CRYGD: variants seen among roughly 807,000 people sequenced by gnomAD.
CRYGD encodes the protein crystallin gamma D, also known as gamma-crystallin D.
CRYGD carries 13 observed loss-of-function variants against 11.3 expected under a neutral mutation model. The ratio of observed to expected loss-of-function variants is 1.15; its 90% CI spans 0.75 to 1.83. The LOEUF is 1.83. Ranked by LOEUF, CRYGD falls within the 40% of genes most tolerant of loss-of-function variation. The pLI is 0.00. For synonymous variants in CRYGD, 77 were observed against 89.5 expected (o/e 0.86, Z 0.79); for missense variants, 231 against 229.9 (o/e 1.00, Z -0.03).
Position 208,124,276 on chromosome 2 carries a change from A to G in CRYGD, c.88T>C (p.Leu30=). Residue 30 remains leucine (L), a synonymous_variant, in exon 2 of 3, where the codon TTG becomes CTG. Transcript: ENST00000264376. ...ACGCGCGCCGAGTTGCAGCGGCTCAAGTAGGGCTGCAGGTTGGGGTGGTCG... is the reference window on the plus strand; with the variant it reads ...ACGCGCGCCGAGTTGCAGCGGCTCAGGTAGGGCTGCAGGTTGGGGTGGTCG... ...SSDHPNLQPY[L]SRCNSARVDS... is the part of the protein sequence containing the mutation. 2 of 1,611,860 alleles carry G rather than the reference A, an allele frequency of 1.2e-6. No individual in the cohort carries two copies. The highest frequency in any genetic ancestry group is 2.2e-5 in the East Asian group (1 of 44,832).
At chr2:208,124,011 C>CA (rs947229524) in intron 2 of CRYGD, 101 bp downstream of exon 2, 55 of 1,546,882 alleles carry the variant, frequency 3.6e-5, no homozygotes, top group Non-Finnish European at 4.8e-5. Context: ...TGTCCACTCT[C>CA]AGTTATTGTG....
intron 2 of CRYGD, 78 bp from the exon 3 acceptor site, chr2:208,122,023 G>C (rs1318926819): frequency 6.2e-7 from 1 of 1,603,340 alleles, no homozygotes; most frequent in Non-Finnish European, 8.5e-7. Context: ...GTCCAGCTTG[G>C]TGAGGACCCG....
chr2:208,122,099 C>G (rs537121827), intron 2 of CRYGD, among the ~76,000 whole-genome samples, 154 bp from the exon 3 acceptor site: 1 of 152,244 alleles, frequency 6.6e-6, no homozygotes, highest in East Asian at 1.9e-4. Flanking sequence ...CTCCTCATTA[C>G]CGAGCACAGA....
At chr2:208,122,610 C>G (rs1039912273) in intron 2 of CRYGD, among the ~76,000 whole-genome samples, 1 of 150,186 alleles carries the variant, frequency 6.7e-6, no homozygotes, top group African/African-American at 2.4e-5. Context: ...TGCCTGTAGT[C>G]CCAGCACCCT....
intron 2 of CRYGD, among the ~76,000 whole-genome samples, chr2:208,123,366 C>T (rs982238654): frequency 1.4e-5 from 2 of 145,706 alleles, no homozygotes; most frequent in Admixed American, 6.9e-5. Context: ...AATGATAATG[C>T]ATCATTTAAA....
intron 2 of CRYGD, among the ~76,000 whole-genome samples, chr2:208,122,953 GGA>G (rs1316732967): frequency 8.7e-5 from 13 of 150,288 alleles, no homozygotes; most frequent in Non-Finnish European, 1.6e-4. Context: ...CAGCTACTCA[GGA>G]GACTGAGAGA....
At position 208,124,326 on chromosome 2, in the gene CRYGD, T is replaced by A. The variant is rs1559318598; in HGVS notation, c.38A>T (p.Gln13Leu). The change falls in exon 2 of 3, where the codon CAG becomes CTG. Residue 13 changes from glutamine (Q) to leucine (L), a missense_variant. Coordinates refer to ENST00000264376, the MANE Select transcript of CRYGD (RefSeq NM_006891.4). The stretch of plus-strand genomic sequence containing the variant: ...GCTGCTGCATTCATAGTGGCGGCCC[T>A]GGAAGCCCCGGTCCTCGTAGAGGGT... ...KITLYEDRGF[Q>L]GRHYECSSDH... The A allele has an allele frequency of 1.2e-6, 2 of 1,610,246 alleles. No homozygotes were observed. Among genetic ancestry groups the A allele is most frequent in the Admixed American group, 3.4e-5 (2 of 59,508 alleles).
At chr2:208,122,020 T>C in intron 2 of CRYGD, 75 bp from the exon 3 acceptor site, 3 of 1,606,758 alleles carry the variant, frequency 1.9e-6, no homozygotes, top group Non-Finnish European at 2.5e-6. Context: ...GCAGTCCAGC[T>C]TGGTGAGGAC....
intron 2 of CRYGD, among the ~76,000 whole-genome samples, chr2:208,123,426 T>C (rs1341351622): frequency 6.8e-6 from 1 of 146,308 alleles, no homozygotes; most frequent in Non-Finnish European, 1.5e-5. Flanking sequence ...CTATTCAAAA[T>C]ATAAGTGTTT....
chr2:208,123,312 A>G (rs1359842349), intron 2 of CRYGD, among the ~76,000 whole-genome samples: 2 of 146,918 alleles, frequency 1.4e-5, no homozygotes, highest in Non-Finnish European at 3.0e-5. Flanking sequence ...TTTAAATATA[A>G]GTATTTAAAA....
At chr2:208,123,650 T>C (rs1694916852) in intron 2 of CRYGD, among the ~76,000 whole-genome samples, 1 of 152,170 alleles carries the variant, frequency 6.6e-6, no homozygotes. Flanking sequence ...GTGTAAAATA[T>C]GTGTGTTGCT....
chr2:208,122,930 G>A (rs1382720472), intron 2 of CRYGD, among the ~76,000 whole-genome samples: 1 of 150,056 alleles, frequency 6.7e-6, no homozygotes, highest in Non-Finnish European at 1.5e-5. Context: ...GTGGTGGCGT[G>A]CTCCTGTAAC....
chr2:208,123,714 A>G (rs1694917867), intron 2 of CRYGD, among the ~76,000 whole-genome samples: 1 of 152,236 alleles, frequency 6.6e-6, no homozygotes, highest in South Asian at 2.1e-4. Flanking sequence ...AAAATATGCA[A>G]GAGAGGAGCA....
rs1202747594 is a variant in CRYGD, at chr2:208,124,487, C to T, written c.-14G>A. 1 of 1,566,342 alleles carries T rather than the reference C, an allele frequency of 6.4e-7. No homozygotes were observed. Among genetic ancestry groups the T allele is most frequent in the Non-Finnish European group, 8.6e-7 (1 of 1,156,988 alleles). ...CACCTTCCCCATGGCTGGCTGGGCG[C>T]ACGGCGGTGCTGAGCTGGTGGGGCG... On this transcript the variant is annotated 5_prime_UTR_variant, in exon 1 of 3. Transcript: ENST00000264376.
rs1453097708 is a variant in CRYGD at position 208,124,173 on chromosome 2, G to A, written c.191C>T (p.Ala64Val). 1.6e-5 allele frequency: 25 copies of A among 1,611,502 alleles called. No homozygotes were observed. The highest frequency in any genetic ancestry group is 1.9e-5 in the Non-Finnish European group (23 of 1,179,868). The change falls in exon 2 of 3, where the codon GCC (alanine) becomes GTC (valine). Residue 64 changes from alanine to valine, a missense_variant. Ala to Val is a moderately conservative substitution (Grantham distance 64). Transcript: ENST00000264376. Reference protein sequence around the residue: ...LQYFLRRGDYADHQQWMGLSD... With the variant: ...LQYFLRRGDYVDHQQWMGLSD... ...GAGGCCCATCCACTGCTGGTGGTCG[G>A]CATAGTCGCCGCGGCGCAGGAAGTA...
At chr2:208,121,983 T>G in intron 2 of CRYGD, 38 bp from the exon 3 acceptor site, 2 of 1,612,952 alleles carry the variant, frequency 1.2e-6, no homozygotes, top group Non-Finnish European at 8.5e-7. Flanking sequence ...GAAAAGCAAG[T>G]GTGAAATGAT....
rs1694932583 is a variant in CRYGD at position 208,124,229 on chromosome 2, G to C, written c.135C>G (p.Leu45=). 1 of 1,612,054 alleles carries C rather than the reference G, an allele frequency of 6.2e-7. No homozygotes were observed. The highest frequency in any genetic ancestry group is 1.7e-5 in the Admixed American group (1 of 59,934). Residue 45 remains leucine (L), a synonymous_variant, in exon 2 of 3, where the codon CTC becomes CTG. Coordinates refer to ENST00000264376, the MANE Select transcript of CRYGD (RefSeq NM_006891.4). ...SARVDSGCWM[L]YEQPNYSGLQ... is the part of the protein sequence containing the mutation. ...GGCCCGAGTAGTTGGGCTGCTCATA[G>C]AGCATCCAGCAGCCGCTGTCCACGC...
At position 208,121,890 on chromosome 2, in the gene CRYGD, A is replaced by G; in HGVS notation, c.308T>C (p.Ile103Thr). The change falls in exon 3 of 3, where the codon ATA becomes ACA. Residue 103 changes from isoleucine (I) to threonine (T), a missense_variant. Coordinates refer to ENST00000264376, the MANE Select transcript of CRYGD (RefSeq NM_006891.4). ...YEREDYRGQM[I>T]EFTEDCSCLQ... ...ACAGGAGCAGTCCTCAGTGAACTCTATCATCTGGCCTCTGTAGTCCTCTCT... is the reference window on the plus strand; with the variant it reads ...ACAGGAGCAGTCCTCAGTGAACTCTGTCATCTGGCCTCTGTAGTCCTCTCT... 2 of 1,614,168 alleles carry G rather than the reference A, an allele frequency of 1.2e-6. No homozygotes were observed. The highest frequency in any genetic ancestry group is 4.5e-5 in the East Asian group (2 of 44,888).
Position 208,124,324 on chromosome 2 carries a change from C to T in CRYGD, c.40G>A (p.Gly14Ser). The change falls in exon 2 of 3, where the codon GGC becomes AGC. Residue 14 changes from glycine to serine, a missense_variant. By Grantham distance (56) the Gly-to-Ser change is moderately conservative (BLOSUM62 0). Coordinates refer to ENST00000264376, the MANE Select transcript of CRYGD (RefSeq NM_006891.4). Reference protein sequence around the residue: ...ITLYEDRGFQGRHYECSSDHP... With the variant: ...ITLYEDRGFQSRHYECSSDHP... ...TCGCTGCTGCATTCATAGTGGCGGC[C>T]CTGGAAGCCCCGGTCCTCGTAGAGG... 2 of 1,610,310 alleles carry T rather than the reference C, an allele frequency of 1.2e-6. No individual in the cohort carries two copies. The highest frequency in any genetic ancestry group is 1.7e-6 in the Non-Finnish European group (2 of 1,178,990).
Sources: gnomAD v4.1 joint callset for allele counts (sites outside exome capture counted in the v4.1 genomes callset) on GRCh38, gnomAD v4.1.1 for gene constraint, MANE v1.5 for transcripts, NCBI Gene and HGNC (gene_info 2026-07-23, HGNC 2026-07-21) for gene names.